The following LDLRAD3 variants were observed in gnomAD, a reference collection of about 807,000 sequenced individuals.
The protein encoded by LDLRAD3 is low-density lipoprotein receptor class A domain-containing protein 3.
LDLRAD3 carries 20 observed loss-of-function variants against 29.4 expected under a neutral mutation model. That is an observed-to-expected ratio of 0.68 (90% CI 0.48 to 0.99). The LOEUF is 0.99. Ranked by LOEUF, LDLRAD3 falls within the 50% of genes least tolerant of loss-of-function variation. The probability of loss-of-function intolerance (pLI) is 0.00; values close to 1 mark genes in which losing one functional copy is unlikely to be tolerated. For synonymous variants in LDLRAD3, 157 were observed against 192.7 expected (o/e 0.81, Z 1.53); for missense variants, 420 against 454.3 (o/e 0.92, Z 0.69).
At chr11:36,124,682 T>C (rs1853810108) in intron 4 of LDLRAD3, among the ~76,000 whole-genome samples, 1 of 151,816 alleles carries the variant, frequency 6.6e-6, no homozygotes, top group Non-Finnish European at 1.5e-5. Flanking sequence ...CTAGTCTCCT[T>C]TTCCTTTCTT....
chr11:36,133,266 G>A (rs1853953443), intron 4 of LDLRAD3, among the ~76,000 whole-genome samples: 1 of 150,842 alleles, frequency 6.6e-6, no homozygotes, highest in Non-Finnish European at 1.5e-5. Flanking sequence ...GAACTCCTGG[G>A]CTCAAGCAGT....
At chr11:36,120,517 A>G (rs1295214654) in intron 4 of LDLRAD3, among the ~76,000 whole-genome samples, 1 of 152,194 alleles carries the variant, frequency 6.6e-6, no homozygotes, top group African/African-American at 2.4e-5. Context: ...CAGGGAAAAA[A>G]GGAATTTGAA....
chr11:36,137,347 A>G (rs1234658364), intron 4 of LDLRAD3, among the ~76,000 whole-genome samples: 1 of 152,204 alleles, frequency 6.6e-6, no homozygotes, highest in African/African-American at 2.4e-5. Context: ...TCACATACCT[A>G]CAAGTTCAGT....
rs183792417 is a variant in LDLRAD3, at chr11:36,156,444, C to T, written c.454+57983C>T. On this transcript the variant is annotated intron_variant, in intron 4 of 5. Transcript: ENST00000315571. ...CAGTACAGGGCCACTTGGATCAGGT[C>T]CACCCATTTGCCATTGTTAGCATGA... Among the ~76,000 whole-genome samples, 401 of 152,318 alleles carry T rather than the reference C, an allele frequency of 2.6e-3. 2 individuals carry two copies. Among genetic ancestry groups the T allele is most frequent in the Non-Finnish European group, 4.4e-3 (296 of 68,032 alleles).
intron 2 of LDLRAD3, among the ~76,000 whole-genome samples, chr11:36,054,711 G>GTGGGTGGATGGATGGATGGATGGA (rs1554960935): frequency 1.5e-4 from 22 of 146,222 alleles, no homozygotes; most frequent in African/African-American, 5.3e-4. Context: ...GGATGGGTGG[G>GTGGGTGGATGGATGGATGGATGGA]TGGATGGATG....
chr11:36,135,141 T>G (rs1853985256), intron 4 of LDLRAD3, among the ~76,000 whole-genome samples: 1 of 152,254 alleles, frequency 6.6e-6, no homozygotes, highest in African/African-American at 2.4e-5. Flanking sequence ...AGCCTGGAGA[T>G]GCAGCCTCTC....
chr11:36,149,560 G>A (rs1020452467), intron 4 of LDLRAD3, among the ~76,000 whole-genome samples: 1 of 152,202 alleles, frequency 6.6e-6, no homozygotes, highest in African/African-American at 2.4e-5. Context: ...AGATGAGGAT[G>A]AGAGGGAGTT....
At chr11:36,225,379 C>T (rs1189098175) in intron 4 of LDLRAD3, among the ~76,000 whole-genome samples, 1 of 152,184 alleles carries the variant, frequency 6.6e-6, no homozygotes. Context: ...CTCCACCTGC[C>T]TGGACCTTAC....
chr11:36,118,339 G>A (rs149856955), intron 4 of LDLRAD3, among the ~76,000 whole-genome samples: 3 of 152,234 alleles, frequency 2.0e-5, no homozygotes, highest in Admixed American at 6.5e-5. Flanking sequence ...TAAAACTGAG[G>A]TCTGTTTTCA....
chr11:35,958,323 T>C lies in LDLRAD3; in HGVS notation c.46+14179T>C, dbSNP rs1373089565. 2.0e-5 allele frequency among the ~76,000 whole-genome samples: 3 copies of C among 152,210 alleles called. No individual in the cohort carries two copies. In the East Asian group the frequency reaches 5.8e-4, roughly 29 times the overall value. On this transcript the variant is annotated intron_variant, in intron 1 of 5. Transcript: ENST00000315571. The stretch of plus-strand genomic sequence containing the variant: ...TTGAGGAAAGTTCTAATGGACAGTG[T>C]TACTGTAGAATAATTCTTCCACGGA...
chr11:36,179,276 C>G (rs187757185), intron 4 of LDLRAD3, among the ~76,000 whole-genome samples: 3 of 152,106 alleles, frequency 2.0e-5, no homozygotes, highest in African/African-American at 7.2e-5. Context: ...GAGTTAGAGA[C>G]CAGCCTGGCT....
At chr11:35,957,811 AAAAAG>A (rs1476862530) in intron 1 of LDLRAD3, among the ~76,000 whole-genome samples, 1,508 of 142,672 alleles carry the variant, frequency 0.011, 71 homozygotes, top group East Asian at 0.015. Flanking sequence ...AAAAAAAAAA[AAAAAG>A]AAAAGAAAAG....
intron 1 of LDLRAD3, among the ~76,000 whole-genome samples, chr11:36,019,404 T>C (rs933881353): frequency 3.3e-5 from 5 of 152,218 alleles, no homozygotes; most frequent in African/African-American, 1.2e-4. Flanking sequence ...GCATTTCCTA[T>C]GTCAGTCTTG....
chr11:36,090,902 T>C (rs1853270501), intron 3 of LDLRAD3, among the ~76,000 whole-genome samples: 1 of 152,056 alleles, frequency 6.6e-6, no homozygotes, highest in Non-Finnish European at 1.5e-5. Flanking sequence ...AGAGGACCTG[T>C]TGAGCAGACT....
At chr11:36,130,370 TG>T in intron 4 of LDLRAD3, among the ~76,000 whole-genome samples, 1 of 152,232 alleles carries the variant, frequency 6.6e-6, no homozygotes. Flanking sequence ...CTTGTCTGGA[TG>T]TGTCCACGGG....
Position 36,051,819 on chromosome 11 carries a change from T to A in LDLRAD3, c.193+15570T>A, listed in dbSNP as rs1852533031. On this transcript the variant is annotated intron_variant, in intron 2 of 5. Coordinates refer to ENST00000315571, the MANE Select transcript of LDLRAD3 (RefSeq NM_174902.4). ...ACTAAGTTTTGAGTCGTCTCTCGAA[T>A]AACCACAAAATAAAGGGCTAAGCTC... Among the ~76,000 whole-genome samples the A allele has an allele frequency of 2.6e-5, 4 of 152,158 alleles. No individual in the cohort carries two copies. In the South Asian group the frequency reaches 8.3e-4, roughly 32 times the overall value.
intron 4 of LDLRAD3, among the ~76,000 whole-genome samples, chr11:36,144,429 A>C: frequency 2.9e-5 from 4 of 137,740 alleles, no homozygotes; most frequent in South Asian, 2.6e-4. Context: ...CTGGCTGCCC[A>C]GTCTGGAAAG....
At position 35,954,469 on chromosome 11, in the gene LDLRAD3, T is replaced by C. The variant is rs182393240; in HGVS notation, c.46+10325T>C. ...TGTTATACTCCAGAACCTGATTCAGTGCTTGGCATAGTATCAGGCACACAG... is the reference window on the plus strand; with the variant it reads ...TGTTATACTCCAGAACCTGATTCAGCGCTTGGCATAGTATCAGGCACACAG... On this transcript the variant is annotated intron_variant, in intron 1 of 5. Transcript: ENST00000315571. 7.2e-5 allele frequency among the ~76,000 whole-genome samples: 11 copies of C among 152,322 alleles called. No individual in the cohort carries two copies. The East Asian group carries it at 2.1e-3, about 29-fold the overall frequency.
chr11:36,178,601 T>C (rs1854712929), intron 4 of LDLRAD3, among the ~76,000 whole-genome samples: 1 of 152,222 alleles, frequency 6.6e-6, no homozygotes, highest in Non-Finnish European at 1.5e-5. Context: ...CTATGCCCCA[T>C]CAAAACTGGA....
Sources: gnomAD v4.1 joint callset for allele counts (sites outside exome capture counted in the v4.1 genomes callset) on GRCh38, gnomAD v4.1.1 for gene constraint, MANE v1.5 for transcripts, NCBI Gene and HGNC (gene_info 2026-07-23, HGNC 2026-07-21) for gene names.